Variants in ARNT2 observed in about 807,000 individuals in gnomAD.
The protein encoded by ARNT2 is aryl hydrocarbon receptor nuclear translocator 2, also known as ARNT protein 2.
A neutral mutation model predicts 91.7 loss-of-function variants in ARNT2; 36 were observed. The observed-to-expected ratio is 0.39, with a 90% confidence interval of 0.30 to 0.52. The LOEUF (loss-of-function observed/expected upper bound fraction) is 0.52. ARNT2 is among the 20% of genes least tolerant of loss of function. ARNT2 has a pLI of 0.72. For synonymous variants in ARNT2, 365 were observed against 347.1 expected (o/e 1.05, Z -0.57); for missense variants, 775 against 939.3 (o/e 0.83, Z 2.29).
At chr15:80,465,038 A>G (rs1048861630) in intron 3 of ARNT2, among the ~76,000 whole-genome samples, 1 of 152,232 alleles carries the variant, frequency 6.6e-6, no homozygotes, top group African/African-American at 2.4e-5. Context: ...CAAATCTCAC[A>G]GAGAAATCCC....
At chr15:80,471,545 A>G (rs566354194) in intron 4 of ARNT2, among the ~76,000 whole-genome samples, 1 of 152,302 alleles carries the variant, frequency 6.6e-6, no homozygotes, top group African/African-American at 2.4e-5. Context: ...AAGTTAAAGA[A>G]AAAAGACAGT....
chr15:80,561,862 C>T (rs1480365964), intron 11 of ARNT2, among the ~76,000 whole-genome samples: 4 of 152,138 alleles, frequency 2.6e-5, no homozygotes, highest in Non-Finnish European at 5.9e-5. Flanking sequence ...GTGATGCTGG[C>T]ATATTGGTAC....
chr15:80,468,811 T>A (rs1896693720), intron 3 of ARNT2, among the ~76,000 whole-genome samples: 1 of 152,186 alleles, frequency 6.6e-6, no homozygotes, highest in African/African-American at 2.4e-5. Context: ...CTACCACTCC[T>A]CCCCTCATGG....
chr15:80,593,596 G>T lies in ARNT2; in HGVS notation c.2056-4G>T. Reference sequence around the variant, plus strand: ...CTGTGGCTCTCTTTTCCTCTCCTCTGCAGGACATGCTGCCCATGCCAGGAG... The same window carrying T: ...CTGTGGCTCTCTTTTCCTCTCCTCTTCAGGACATGCTGCCCATGCCAGGAG... On this transcript the variant is annotated splice_region_variant and splice_polypyrimidine_tract_variant and intron_variant, in intron 18 of 18. Coordinates refer to ENST00000303329, the MANE Select transcript of ARNT2 (RefSeq NM_014862.4). 1 of 1,587,604 alleles carries T rather than the reference G, an allele frequency of 6.3e-7. No individual in the cohort carries two copies. Among genetic ancestry groups the T allele is most frequent in the African/African-American group, 1.3e-5 (1 of 74,632 alleles).
intron 15 of ARNT2, among the ~76,000 whole-genome samples, chr15:80,577,925 T>TG (rs926959117): frequency 5.3e-5 from 8 of 152,204 alleles, no homozygotes; most frequent in African/African-American, 1.9e-4. Context: ...GCCTCTGGTC[T>TG]GGGGACAGCA....
chr15:80,432,013 A>G (rs545561204), intron 1 of ARNT2, among the ~76,000 whole-genome samples: 20 of 152,340 alleles, frequency 1.3e-4, no homozygotes, highest in South Asian at 4.1e-4. Flanking sequence ...AAATGGCCCA[A>G]TGGAACTGAC....
rs2141394668 is a variant in ARNT2 at position 80,470,448 on chromosome 15, A to G, written c.408+17A>G. The stretch of plus-strand genomic sequence containing the variant: ...ACAGAGCAGGTACCCTGGTCATCAC[A>G]TCACCATTGGAAAGCGGGGGGAATC... On this transcript the variant is annotated intron_variant, in intron 4 of 18. Transcript: ENST00000303329. The G allele has an allele frequency of 1.2e-6, 2 of 1,611,396 alleles. No homozygotes were observed. Among genetic ancestry groups the G allele is most frequent in the Non-Finnish European group, 8.5e-7 (1 of 1,177,696 alleles).
Position 80,489,036 on chromosome 15 carries a change from T to C in ARNT2, c.622+13813T>C, listed in dbSNP as rs145768606. On this transcript the variant is annotated intron_variant, in intron 5 of 18. Coordinates refer to ENST00000303329, the MANE Select transcript of ARNT2 (RefSeq NM_014862.4). ...GCAGATATAATTACTTTGAGTTACT[T>C]TGGGATGTTTGAAAAGACGAATTGA... is the stretch of plus-strand genomic sequence containing the variant. Among the ~76,000 whole-genome samples the C allele has an allele frequency of 2.8e-3, 432 of 152,366 alleles. 1 individual carries two copies. The highest frequency in any genetic ancestry group is 9.8e-3 in the African/African-American group (406 of 41,588).
At chr15:80,495,082 C>G (rs1219108393) in intron 5 of ARNT2, among the ~76,000 whole-genome samples, 1 of 151,648 alleles carries the variant, frequency 6.6e-6, no homozygotes, top group Non-Finnish European at 1.5e-5. Context: ...CAGGCACCCC[C>G]ACCCCTGTAA....
At chr15:80,478,594 G>A (rs1366760599) in intron 5 of ARNT2, among the ~76,000 whole-genome samples, 1 of 152,240 alleles carries the variant, frequency 6.6e-6, no homozygotes, top group Admixed American at 6.5e-5. Context: ...GATGAGGCTG[G>A]AGAAGTGGGT....
intron 1 of ARNT2, among the ~76,000 whole-genome samples, chr15:80,433,296 T>TATTTTA (rs1896039028): frequency 6.7e-6 from 1 of 148,418 alleles, no homozygotes; most frequent in Non-Finnish European, 1.5e-5. Context: ...TATTTTATTT[T>TATTTTA]ATTTTTTGAG....
intron 12 of ARNT2, among the ~76,000 whole-genome samples, chr15:80,573,477 AGAG>A (rs1279931274): frequency 2.6e-5 from 4 of 152,208 alleles, no homozygotes; most frequent in African/African-American, 9.6e-5. Flanking sequence ...TTACAATTGA[AGAG>A]GATCCTGTCA....
intron 8 of ARNT2, among the ~76,000 whole-genome samples, chr15:80,518,215 C>T (rs1372977654): frequency 6.7e-6 from 1 of 150,036 alleles, no homozygotes; most frequent in Non-Finnish European, 1.5e-5. Context: ...AAATTCCTTT[C>T]ATGTTCTTGT....
chr15:80,593,820 T>G lies in ARNT2; in HGVS notation c.*122T>G. 1 of 867,862 alleles carries G rather than the reference T, an allele frequency of 1.2e-6. No homozygotes were observed. Among genetic ancestry groups the G allele is most frequent in the Non-Finnish European group, 1.8e-6 (1 of 559,512 alleles). The allele number at this position is 867,862 out of a possible 1,614,324, so 53.8% of individuals were successfully genotyped here. Reference sequence around the variant, plus strand: ...CGCAGGCCCCCCACCAGAAGCCATCTCCCCCGCTGTGTGTCCCCAGGCGCA... The same window carrying G: ...CGCAGGCCCCCCACCAGAAGCCATCGCCCCCGCTGTGTGTCCCCAGGCGCA... On this transcript the variant is annotated 3_prime_UTR_variant, in exon 19 of 19. Coordinates refer to ENST00000303329, the MANE Select transcript of ARNT2 (RefSeq NM_014862.4).
At chr15:80,573,588 A>G (rs1335048469) in intron 12 of ARNT2, among the ~76,000 whole-genome samples, 1 of 152,200 alleles carries the variant, frequency 6.6e-6, no homozygotes, top group Non-Finnish European at 1.5e-5. Context: ...TTTCTTCCCC[A>G]AATGGAGCAG....
intron 1 of ARNT2, among the ~76,000 whole-genome samples, chr15:80,411,866 A>G (rs1247100115): frequency 6.6e-6 from 1 of 152,202 alleles, no homozygotes; most frequent in Admixed American, 6.5e-5. Context: ...GGCTGGTGGT[A>G]GTGGTAGGTT....
At chr15:80,423,056 A>G (rs919301540) in intron 1 of ARNT2, among the ~76,000 whole-genome samples, 80 of 152,322 alleles carry the variant, frequency 5.3e-4, no homozygotes, top group African/African-American at 1.9e-3. Flanking sequence ...GTTGGTTTGC[A>G]TATTTCAGCT....
intron 6 of ARNT2, among the ~76,000 whole-genome samples, chr15:80,511,477 C>T (rs1257500918): frequency 6.6e-6 from 1 of 151,696 alleles, no homozygotes; most frequent in Non-Finnish European, 1.5e-5. Context: ...AAGCCCATGA[C>T]ACGAGTTTAC....
chr15:80,547,564 A>T (rs991151697), intron 8 of ARNT2, among the ~76,000 whole-genome samples: 3 of 152,204 alleles, frequency 2.0e-5, no homozygotes, highest in Admixed American at 2.0e-4. Flanking sequence ...TGAAAGAATG[A>T]CTAACAAACA....
Sources: gnomAD v4.1 joint callset for allele counts (sites outside exome capture counted in the v4.1 genomes callset) on GRCh38, gnomAD v4.1.1 for gene constraint, MANE v1.5 for transcripts, NCBI Gene and HGNC (gene_info 2026-07-23, HGNC 2026-07-21) for gene names.